POU2F3: variants seen among roughly 807,000 people sequenced by gnomAD.
POU2F3 encodes POU class 2 homeobox 3, also known as POU domain, class 2, transcription factor 3.
Under a neutral mutation model 59.2 loss-of-function variants are expected in POU2F3, and 23 were observed. That is an observed-to-expected ratio of 0.39 (90% CI 0.28 to 0.55). The LOEUF is 0.55. Ranked by LOEUF, POU2F3 falls within the 20% of genes least tolerant of loss-of-function variation. POU2F3 has a pLI of 0.66. For missense variants in POU2F3, 473 were observed against 544.5 expected, an observed-to-expected ratio of 0.87 and a Z score of 1.31; for synonymous variants, 190 against 214.6, an observed-to-expected ratio of 0.89 and a Z score of 1.00.
At position 120,246,462 on chromosome 11, in the gene POU2F3, T is replaced by C; in HGVS notation, c.42T>C (p.Ser14=). The change falls in exon 2 of 13, where the codon AGT becomes AGC. Residue 14 remains serine (S), a synonymous_variant. Coordinates refer to ENST00000543440, the MANE Select transcript of POU2F3 (RefSeq NM_014352.4). The part of the protein sequence containing the change: ...LESMHTDIKM[S]GDVADSTDAR... ...TTTTCCCTGCAGATATCAAGATGAGTGGGGATGTAGCCGATTCCACGGATG... is the reference window on the plus strand; with the variant it reads ...TTTTCCCTGCAGATATCAAGATGAGCGGGGATGTAGCCGATTCCACGGATG... The C allele has an allele frequency of 1.9e-6, 3 of 1,611,534 alleles. No individual in the cohort carries two copies. Among genetic ancestry groups the C allele is most frequent in the Non-Finnish European group, 2.5e-6 (3 of 1,179,644 alleles).
At chr11:120,263,188 C>T (rs1438647259) in intron 2 of POU2F3, among the ~76,000 whole-genome samples, 2 of 152,062 alleles carry the variant, frequency 1.3e-5, no homozygotes, top group Admixed American at 6.6e-5. Context: ...GACGTCGTTT[C>T]ACCATGTTGA....
rs1249910051 is a variant in POU2F3, at chr11:120,318,406, C to T, written c.*14C>T. 52 of 1,582,572 alleles carry T rather than the reference C, an allele frequency of 3.3e-5. 1 individual carries two copies. The Admixed American group carries it at 8.7e-4, about 26-fold the overall frequency. ...TACCTCCACTGAGACCAAAAAGTTTCTCCTACTCCAGCTGGCCCTGTATTC... is the reference window on the plus strand; with the variant it reads ...TACCTCCACTGAGACCAAAAAGTTTTTCCTACTCCAGCTGGCCCTGTATTC... On this transcript the variant is annotated 3_prime_UTR_variant, in exon 13 of 13. Transcript: ENST00000543440.
At chr11:120,271,553 G>C (rs1226011302) in intron 3 of POU2F3, among the ~76,000 whole-genome samples, 1 of 152,228 alleles carries the variant, frequency 6.6e-6, no homozygotes, top group Non-Finnish European at 1.5e-5. Flanking sequence ...ACGGGGAGGA[G>C]CCTCTTCCAT....
At chr11:120,275,538 C>T (rs1940281721) in intron 3 of POU2F3, among the ~76,000 whole-genome samples, 1 of 152,188 alleles carries the variant, frequency 6.6e-6, no homozygotes, top group Non-Finnish European at 1.5e-5. Context: ...ACTTCTGGAA[C>T]CCTCATCTTC....
intron 10 of POU2F3, among the ~76,000 whole-genome samples, chr11:120,310,160 T>A (rs1361660911): frequency 5.3e-5 from 8 of 152,126 alleles, no homozygotes; most frequent in African/African-American, 1.9e-4. Flanking sequence ...GCTAGGAGAA[T>A]GACAATGGTC....
At chr11:120,315,202 G>T (rs535225663) in intron 10 of POU2F3, among the ~76,000 whole-genome samples, 159 bp from the exon 11 acceptor site, 4 of 152,240 alleles carry the variant, frequency 2.6e-5, no homozygotes, top group Admixed American at 1.3e-4. Flanking sequence ...TGGTCCAGAG[G>T]CCTTCCCATA....
chr11:120,254,376 T>C (rs1939245861), intron 2 of POU2F3, among the ~76,000 whole-genome samples: 1 of 152,184 alleles, frequency 6.6e-6, no homozygotes, highest in South Asian at 2.1e-4. Context: ...GTCTCTTTTC[T>C]GGTCGAGGTT....
At chr11:120,295,868 T>G (rs1941179996) in intron 3 of POU2F3, among the ~76,000 whole-genome samples, 1 of 152,204 alleles carries the variant, frequency 6.6e-6, no homozygotes. Context: ...CTTCCAGAGT[T>G]CCATAATAGT....
chr11:120,293,470 C>T (rs1372870609), intron 3 of POU2F3, among the ~76,000 whole-genome samples: 1 of 152,026 alleles, frequency 6.6e-6, no homozygotes, highest in Non-Finnish European at 1.5e-5. Context: ...AGTTACAAAA[C>T]AGAAACTCTT....
At chr11:120,311,156 G>A (rs1246137299) in intron 10 of POU2F3, among the ~76,000 whole-genome samples, 1 of 152,202 alleles carries the variant, frequency 6.6e-6, no homozygotes, top group Non-Finnish European at 1.5e-5. Flanking sequence ...GATGAGGCTG[G>A]ACAGACCAGC....
intron 3 of POU2F3, among the ~76,000 whole-genome samples, chr11:120,282,843 T>A (rs1034121827): frequency 1.3e-5 from 2 of 152,196 alleles, no homozygotes; most frequent in South Asian, 4.1e-4. Context: ...TAACAAGAAA[T>A]TTTTTAAAAC....
chr11:120,250,401 G>T (rs1939047918), intron 2 of POU2F3: 1 of 152,214 alleles, frequency 6.6e-6, no homozygotes, highest in South Asian at 2.1e-4. Flanking sequence ...GGAATTCATG[G>T]CTGCCTGGAT....
intron 10 of POU2F3, among the ~76,000 whole-genome samples, chr11:120,312,278 C>T (rs1344146197): frequency 2.6e-5 from 4 of 152,098 alleles, no homozygotes; most frequent in African/African-American, 9.7e-5. Flanking sequence ...CACCCACCAT[C>T]ACACCTGGCT....
At chr11:120,291,869 C>T (rs564489119) in intron 3 of POU2F3, among the ~76,000 whole-genome samples, 22 of 150,330 alleles carry the variant, frequency 1.5e-4, no homozygotes, top group Admixed American at 8.6e-4. Context: ...AGTGCAGTGG[C>T]GCAATCTTGG....
rs189740669 is a variant in POU2F3 at position 120,274,343 on chromosome 11, C to T, written c.132+5099C>T. Among the ~76,000 whole-genome samples the T allele has an allele frequency of 2.8e-3, 428 of 152,254 alleles. 1 individual carries two copies. Among genetic ancestry groups the T allele is most frequent in the African/African-American group, 9.8e-3 (409 of 41,538 alleles). ...AGGGTCAAATGATATGTAGCTAACT[C>T]TTAGACAAGTATCTTGAACATATAC... On this transcript the variant is annotated intron_variant, in intron 3 of 12. Coordinates refer to ENST00000543440, the MANE Select transcript of POU2F3 (RefSeq NM_014352.4).
intron 3 of POU2F3, among the ~76,000 whole-genome samples, chr11:120,275,829 G>T (rs1414420911): frequency 3.3e-5 from 5 of 152,214 alleles, no homozygotes; most frequent in African/African-American, 1.2e-4. Context: ...CTGAGGAGTT[G>T]CCCTGGTGTG....
intron 1 of POU2F3, 85 bp from the exon 2 acceptor site, chr11:120,246,364 A>G: frequency 7.7e-7 from 1 of 1,304,962 alleles, no homozygotes; most frequent in South Asian, 1.2e-5. Flanking sequence ...TTACACATTC[A>G]TCTTTGTTAT....
At chr11:120,298,129 A>T (rs1031811334) in intron 3 of POU2F3, 136 bp from the exon 4 acceptor site, 1 of 1,138,676 alleles carries the variant, frequency 8.8e-7, no homozygotes, top group Admixed American at 2.4e-5. Context: ...AGTAAGCTGC[A>T]GCCCAGTAGG....
At chr11:120,243,505 T>C (rs753635906) in intron 1 of POU2F3, among the ~76,000 whole-genome samples, 3 of 152,142 alleles carry the variant, frequency 2.0e-5, no homozygotes, top group Non-Finnish European at 4.4e-5. Context: ...GTGTCTGGGC[T>C]CTTTCACAGA....
Sources: allele counts gnomAD v4.1 joint callset (sites outside exome capture counted in the v4.1 genomes callset), GRCh38; gene constraint gnomAD v4.1.1; transcripts MANE v1.5; gene names NCBI Gene and HGNC (gene_info 2026-07-23, HGNC 2026-07-21).